CNTN5: variants seen among roughly 807,000 people sequenced by gnomAD.
The protein encoded by CNTN5 is contactin-5.
A neutral mutation model predicts 129.1 loss-of-function variants in CNTN5; 77 were observed. The ratio of observed to expected loss-of-function variants is 0.60; its 90% CI spans 0.50 to 0.72. CNTN5 has a LOEUF of 0.72. CNTN5 is among the 30% of genes least tolerant of loss of function. The pLI, the probability that CNTN5 is intolerant of heterozygous loss-of-function variation, is 0.00. For missense variants in CNTN5, 1,478 were observed against 1,328.8 expected, an observed-to-expected ratio of 1.11 and a Z score of -1.75; for synonymous variants, 509 against 465.6, an observed-to-expected ratio of 1.09 and a Z score of -1.20.
intron 2 of CNTN5, among the ~76,000 whole-genome samples, chr11:99,437,837 A>G (rs561953430): frequency 6.6e-6 from 1 of 152,278 alleles, no homozygotes; most frequent in African/African-American, 2.4e-5. Flanking sequence ...CAAACAAACA[A>G]ACAAAAAAAG....
At chr11:99,882,355 A>G (rs773676664) in intron 6 of CNTN5, among the ~76,000 whole-genome samples, 1 of 152,272 alleles carries the variant, frequency 6.6e-6, no homozygotes, top group Non-Finnish European at 1.5e-5. Flanking sequence ...CTGCCAGCCT[A>G]TGCACCCACC....
chr11:99,274,614 C>G lies in CNTN5; in HGVS notation c.-209-50732C>G, dbSNP rs146057681. 6.9e-3 allele frequency among the ~76,000 whole-genome samples: 1,049 copies of G among 151,472 alleles called. 10 individuals are homozygous for G. The highest frequency in any genetic ancestry group is 0.01 in the Non-Finnish European group (697 of 67,664). ...ATAACAGTGAGGTAGCAATCCTCAT[C>G]TTGAGATTAGTATATCAATAAAAAC... On this transcript the variant is annotated intron_variant, in intron 1 of 24. Coordinates refer to ENST00000524871, the MANE Select transcript of CNTN5 (RefSeq NM_014361.4).
intron 8 of CNTN5, among the ~76,000 whole-genome samples, chr11:100,000,246 G>A (rs1236292433): frequency 1.3e-5 from 2 of 152,166 alleles, no homozygotes; most frequent in Admixed American, 6.5e-5. Flanking sequence ...CTATGAGCCT[G>A]TAAAATAAAA....
chr11:100,030,933 G>A (rs1022033657), intron 9 of CNTN5, among the ~76,000 whole-genome samples: 10 of 151,976 alleles, frequency 6.6e-5, no homozygotes, highest in Admixed American at 2.0e-4. Flanking sequence ...CAATTTTTTC[G>A]TGAATTAAGG....
intron 3 of CNTN5, among the ~76,000 whole-genome samples, chr11:99,626,830 G>A (rs904344339): frequency 2.6e-5 from 4 of 152,050 alleles, no homozygotes; most frequent in Non-Finnish European, 4.4e-5. Context: ...CCCAAATACT[G>A]ACTTGATCAT....
intron 3 of CNTN5, among the ~76,000 whole-genome samples, chr11:99,620,027 A>AAAAAAAAAAAAAAACCAAAAAG (rs1555049924): frequency 1.1e-4 from 14 of 129,040 alleles, no homozygotes; most frequent in Admixed American, 2.7e-4. Flanking sequence ...CTCCGTCTCA[A>AAAAAAAAAAAAAAACCAAAAAG]AAAAAAAAAA....
intron 2 of CNTN5, among the ~76,000 whole-genome samples, chr11:99,369,093 T>A (rs190655242): frequency 3.4e-3 from 402 of 118,000 alleles, no homozygotes; most frequent in African/African-American, 0.011. Flanking sequence ...CTGATTATAT[T>A]TCAAAGACAT....
At chr11:99,142,146 C>T (rs1859547708) in intron 1 of CNTN5, among the ~76,000 whole-genome samples, 1 of 152,128 alleles carries the variant, frequency 6.6e-6, no homozygotes. Context: ...AGGCCCACAC[C>T]TTTGTTCTCT....
At chr11:100,213,218 T>C (rs139645437) in intron 15 of CNTN5, among the ~76,000 whole-genome samples, 48 of 152,248 alleles carry the variant, frequency 3.2e-4, no homozygotes, top group African/African-American at 1.1e-3. Context: ...CAATATGAAA[T>C]CTTGGATCAA....
Position 99,516,764 on chromosome 11 carries a change from TTCAC to T in CNTN5, c.-70-39379_-70-39376del, listed in dbSNP as rs1423196188. ...TTTTTAAGATTTCTTGTTAATGAAA[TTCAC>T]TATCATGTGTAAAAATGTTAGTATT... On this transcript the variant is annotated intron_variant, in intron 2 of 24. Transcript: ENST00000524871. Among the ~76,000 whole-genome samples the T allele has an allele frequency of 4.6e-5, 7 of 152,254 alleles. No individual in the cohort carries two copies. In the East Asian group the frequency reaches 1.4e-3, roughly 29 times the overall value.
chr11:99,554,868 G>A (rs973252157), intron 2 of CNTN5, among the ~76,000 whole-genome samples: 6 of 151,960 alleles, frequency 3.9e-5, no homozygotes, highest in African/African-American at 1.4e-4. Context: ...AATTAGCTAT[G>A]AGGTTGTTAT....
intron 3 of CNTN5, among the ~76,000 whole-genome samples, chr11:99,703,655 G>A (rs1299616562): frequency 1.3e-5 from 2 of 150,898 alleles, no homozygotes; most frequent in Non-Finnish European, 3.0e-5. Context: ...TTAAAATTTA[G>A]TTCTGTTTGA....
intron 6 of CNTN5, among the ~76,000 whole-genome samples, chr11:99,875,878 T>C (rs577951775): frequency 6.6e-6 from 1 of 152,266 alleles, no homozygotes; most frequent in Non-Finnish European, 1.5e-5. Flanking sequence ...CACTGTTATA[T>C]AAGGTCATTT....
In CNTN5 at chr11:99,632,912, G is replaced by A. The variant is rs143980309; in HGVS notation, c.55+76643G>A. Among the ~76,000 whole-genome samples the A allele has an allele frequency of 2.8e-3, 428 of 152,112 alleles. 2 individuals carry two copies. The highest frequency in any genetic ancestry group is 9.6e-3 in the African/African-American group (397 of 41,512). ...TCTTCTTGGGGGGGTTACAAAAATA[G>A]TCATCTTTGAGTTCTGAGACAAAAT... On this transcript the variant is annotated intron_variant, in intron 3 of 24. Transcript: ENST00000524871.
intron 17 of CNTN5, among the ~76,000 whole-genome samples, chr11:100,266,630 C>CTTTTT (rs5794047): frequency 2.8e-5 from 4 of 140,836 alleles, no homozygotes; most frequent in African/African-American, 7.9e-5. Flanking sequence ...ATTTCCAAAT[C>CTTTTT]TTTTTTTTTT....
chr11:99,912,473 C>T (rs1949686298), intron 6 of CNTN5, among the ~76,000 whole-genome samples: 1 of 151,786 alleles, frequency 6.6e-6, no homozygotes, highest in Non-Finnish European at 1.5e-5. Context: ...TCTGCATAAC[C>T]AGTACCTAAC....
At chr11:100,350,662 T>C (rs1952387952) in intron 23 of CNTN5, 40 bp from the exon 24 acceptor site, 2 of 1,499,790 alleles carry the variant, frequency 1.3e-6, no homozygotes, top group African/African-American at 1.4e-5. Flanking sequence ...GCATTTGTAA[T>C]CTTTCATATC....
chr11:100,339,847 C>A (rs183203880), intron 21 of CNTN5, among the ~76,000 whole-genome samples: 3 of 152,294 alleles, frequency 2.0e-5, no homozygotes, highest in Admixed American at 1.3e-4. Context: ...TTACCATAAG[C>A]TCCTAACGAG....
At chr11:99,788,100 G>T (rs180996166) in intron 3 of CNTN5, among the ~76,000 whole-genome samples, 1 of 151,838 alleles carries the variant, frequency 6.6e-6, no homozygotes, top group Non-Finnish European at 1.5e-5. Flanking sequence ...GCTTTGCTTC[G>T]TTCTATTTTC....
Sources: gnomAD v4.1 joint callset for allele counts (sites outside exome capture counted in the v4.1 genomes callset) on GRCh38, gnomAD v4.1.1 for gene constraint, MANE v1.5 for transcripts, NCBI Gene and HGNC (gene_info 2026-07-23, HGNC 2026-07-21) for gene names.